RUSC2: variants seen among roughly 807,000 people sequenced by gnomAD.
The protein encoded by RUSC2 is AP-4 complex accessory subunit RUSC2.
In RUSC2, 34 loss-of-function variants were observed where a neutral mutation model predicts 122.2. That is an observed-to-expected ratio of 0.28 (90% CI 0.21 to 0.37). The LOEUF (loss-of-function observed/expected upper bound fraction) is 0.37, where lower values mean the gene tolerates loss of function less well. Among genes scored for constraint, RUSC2 ranks in the 10% least tolerant of loss-of-function variants. The pLI is 1.00. For synonymous variants in RUSC2, 784 were observed against 790.0 expected (o/e 0.99, Z 0.13); for missense variants, 1,747 against 1,952.4 (o/e 0.89, Z 1.98).
chr9:35,523,535 G>T (rs960971297), intron 1 of RUSC2, among the ~76,000 whole-genome samples: 1 of 152,148 alleles, frequency 6.6e-6, no homozygotes, highest in African/African-American at 2.4e-5. Flanking sequence ...CCAAATAGTG[G>T]CTGGGCGTGG....
At chr9:35,504,794 G>T (rs1820881715) in intron 1 of RUSC2, among the ~76,000 whole-genome samples, 2 of 152,138 alleles carry the variant, frequency 1.3e-5, no homozygotes, top group Non-Finnish European at 2.9e-5. Flanking sequence ...AAATAAGAAA[G>T]TCACAGGACA....
intron 2 of RUSC2, among the ~76,000 whole-genome samples, chr9:35,553,861 A>G (rs1039093148): frequency 1.1e-4 from 17 of 152,302 alleles, no homozygotes; most frequent in African/African-American, 3.4e-4. Flanking sequence ...TTTGATGTAA[A>G]TAAGATGAGG....
At chr9:35,516,584 A>G (rs997971095) in intron 1 of RUSC2, among the ~76,000 whole-genome samples, 1 of 152,196 alleles carries the variant, frequency 6.6e-6, no homozygotes, top group Admixed American at 6.5e-5. Context: ...GTTTTATGTG[A>G]GGGAAATTAG....
Position 35,560,866 on chromosome 9 carries a change from A to G in RUSC2, c.4211+15A>G, listed in dbSNP as rs1227179384. The G allele has an allele frequency of 1.2e-5, 19 of 1,550,516 alleles. 1 individual carries two copies. The highest frequency in any genetic ancestry group is 1.4e-5 in the Non-Finnish European group (16 of 1,150,220). On this transcript the variant is annotated intron_variant, in intron 10 of 11. Transcript: ENST00000361226. ...CCCACAAATAGGTGAGAGCCTGCCC[A>G]TGGTAGGGATGGAGGGAGTAGGGAG...
chr9:35,494,946 T>C (rs1250758002), intron 1 of RUSC2, among the ~76,000 whole-genome samples: 1 of 127,084 alleles, frequency 7.9e-6, no homozygotes, highest in Admixed American at 1.0e-4. Flanking sequence ...ATATATAATA[T>C]ATATTATACA....
At chr9:35,549,177 AG>A (rs1214114524) in intron 2 of RUSC2, 2 of 985,454 alleles carry the variant, frequency 2.0e-6, no homozygotes, top group East Asian at 2.3e-4. Flanking sequence ...CTGTAATCAC[AG>A]GAGATTTCCT....
intron 1 of RUSC2, among the ~76,000 whole-genome samples, chr9:35,535,773 C>G (rs941321590): frequency 1.3e-5 from 2 of 151,918 alleles, no homozygotes; most frequent in African/African-American, 4.8e-5. Context: ...ATCTCCTGAC[C>G]TCGTGATCTG....
chr9:35,555,294 C>T lies in RUSC2; in HGVS notation c.2249C>T (p.Pro750Leu), dbSNP rs778735033. 2 of 1,613,830 alleles carry T rather than the reference C, an allele frequency of 1.2e-6. No homozygotes were observed. The highest frequency in any genetic ancestry group is 1.7e-5 in the Admixed American group (1 of 60,034). The change falls in exon 3 of 12, where the codon CCG becomes CTG. Residue 750 changes from proline to leucine, a missense_variant. Physicochemically the swap from Pro to Leu is moderately conservative, Grantham distance 98. Transcript: ENST00000361226. This position sits in a 1 kb window ranked among gnomAD's most constrained non-coding sequence, Gnocchi z 4.6. ...TCAGTCCCAGCTCCCTCAGGGGAAC[C>T]GCAGGCATCCACTCCCCGAGCCACT... is the stretch of plus-strand genomic sequence containing the variant. ...QVSVPAPSGE[P>L]QASTPRATGR...
intron 1 of RUSC2, among the ~76,000 whole-genome samples, chr9:35,517,803 G>A (rs995902695): frequency 3.3e-5 from 5 of 152,170 alleles, no homozygotes; most frequent in African/African-American, 1.2e-4. Flanking sequence ...TGCATGCGTG[G>A]ATGACCATGA....
At chr9:35,560,926 C>A in intron 10 of RUSC2, 34 bp from the exon 11 acceptor site, 1 of 1,607,592 alleles carries the variant, frequency 6.2e-7, no homozygotes, top group Non-Finnish European at 8.5e-7. Flanking sequence ...AGAGCCCATC[C>A]TGGGCAGAGC....
At position 35,555,848 on chromosome 9, in the gene RUSC2, A is replaced by C. The variant is rs777757328; in HGVS notation, c.2657-104A>C. 1.1e-5 allele frequency: 17 copies of C among 1,479,924 alleles called. No individual in the cohort carries two copies. The highest frequency in any genetic ancestry group is 1.6e-5 in the Non-Finnish European group (17 of 1,092,776). The allele number at this position is 1,479,924 out of a possible 1,614,324, so 91.7% of individuals were successfully genotyped here. ...CCCTCAGCATCTGTAGATAATATCC[A>C]CAGATAATCTAGTGTTTCATATGGG... On this transcript the variant is annotated intron_variant, in intron 3 of 11. Coordinates refer to ENST00000361226, the MANE Select transcript of RUSC2 (RefSeq NM_014806.5). The surrounding 1 kb of genome is among the most constrained non-coding windows in gnomAD (Gnocchi z 4.6).
rs761868077 is a variant in RUSC2 at position 35,560,372 on chromosome 9, AGAG to A, written c.3736_3738del (p.Glu1246del). The A allele has an allele frequency of 1.9e-6, 3 of 1,613,544 alleles. No individual in the cohort carries two copies. Among genetic ancestry groups the A allele is most frequent in the Middle Eastern group, 1.7e-4 (1 of 6,060 alleles). On this transcript the variant is annotated inframe_deletion, in exon 10 of 12. Transcript: ENST00000361226. ...AAGGTGGAGAAGAGGAAGAGGAAGA[AGAG>A]GAGACAGAAGAGGTGGCAGAGGCAG...
At chr9:35,559,039 A>T (rs1822085205) in intron 8 of RUSC2, among the ~76,000 whole-genome samples, 187 bp from the exon 9 acceptor site, 1 of 152,190 alleles carries the variant, frequency 6.6e-6, no homozygotes, top group Non-Finnish European at 1.5e-5. Context: ...GGAGGAAACA[A>T]TTGGCTTGTA....
intron 9 of RUSC2, 135 bp downstream of exon 9, chr9:35,559,407 C>T: frequency 1.3e-6 from 1 of 782,666 alleles, no homozygotes; most frequent in Non-Finnish European, 2.2e-6. Flanking sequence ...GAGCCTCAGG[C>T]TTCCACCCAA....
rs1821947940 is a variant in RUSC2 at position 35,553,719 on chromosome 9, G to C, written c.2015-1341G>C. Among the ~76,000 whole-genome samples, 3 of 152,186 alleles carry C rather than the reference G, an allele frequency of 2.0e-5. No homozygotes were observed. The South Asian group carries it at 6.2e-4, about 31-fold the overall frequency. On this transcript the variant is annotated intron_variant, in intron 2 of 11. Transcript: ENST00000361226. ...CGGGGAAGTGTGGCTGGAGCACAGT[G>C]GGCCAGGGAGAATGCAGAGTCTGTG... is the stretch of plus-strand genomic sequence containing the variant.
chr9:35,546,732 C>A lies in RUSC2; in HGVS notation c.211C>A (p.His71Asn), dbSNP rs751555055. ...QADSLLFSSL[H>N]STPGGTARSI... ...TGACTCCCTGCTATTCAGCAGCCTG[C>A]ACTCTACTCCAGGAGGAACTGCACG... Residue 71 changes from histidine (H) to asparagine (N), a missense_variant, in exon 2 of 12, where the codon CAC becomes AAC. By Grantham distance (68) the His-to-Asn change is moderately conservative (BLOSUM62 1). Coordinates refer to ENST00000361226, the MANE Select transcript of RUSC2 (RefSeq NM_014806.5). The surrounding 1 kb of genome is among the most constrained non-coding windows in gnomAD (Gnocchi z 4.3). 1 of 1,573,384 alleles carries A rather than the reference C, an allele frequency of 6.4e-7. No homozygotes were observed. The highest frequency in any genetic ancestry group is 8.6e-7 in the Non-Finnish European group (1 of 1,160,466).
Position 35,558,267 on chromosome 9 carries a change from T to A in RUSC2, c.3131T>A (p.Val1044Asp). 6.2e-7 allele frequency: 1 copy of A among 1,614,138 alleles called. No individual in the cohort carries two copies. The highest frequency in any genetic ancestry group is 8.5e-7 in the Non-Finnish European group (1 of 1,180,022). Residue 1044 changes from valine to aspartate, a missense_variant, in exon 7 of 12, where the codon GTC becomes GAC. Transcript: ENST00000361226. The surrounding 1 kb of genome is among the most constrained non-coding windows in gnomAD (Gnocchi z 4.3). Reference protein sequence around the residue: ...HLVLKYLCPAVRAVLEDGLKA... With the variant: ...HLVLKYLCPADRAVLEDGLKA... ...GTTCTGAAGTACTTGTGCCCTGCCGTCCGCGCCGTGCTGGAGGATGGGCTC... is the reference window on the plus strand; with the variant it reads ...GTTCTGAAGTACTTGTGCCCTGCCGACCGCGCCGTGCTGGAGGATGGGCTC...
intron 9 of RUSC2, 101 bp downstream of exon 9, chr9:35,559,373 G>A (rs1822092757): frequency 3.0e-6 from 3 of 990,164 alleles, no homozygotes; most frequent in South Asian, 2.6e-5. Context: ...GTGGGGAGGG[G>A]GACCACACAA....
intron 1 of RUSC2, among the ~76,000 whole-genome samples, chr9:35,501,680 A>G (rs1252979455): frequency 6.6e-6 from 1 of 152,234 alleles, no homozygotes; most frequent in African/African-American, 2.4e-5. Context: ...ATAGTCTTCA[A>G]CTGACCATGC....
Sources: allele counts gnomAD v4.1 joint callset (sites outside exome capture counted in the v4.1 genomes callset), GRCh38; gene constraint gnomAD v4.1.1; non-coding constraint Gnocchi (gnomAD v3.1); transcripts MANE v1.5; gene names NCBI Gene and HGNC (gene_info 2026-07-23, HGNC 2026-07-21).